The following NTRK2 variants were observed in gnomAD, a reference collection of about 807,000 sequenced individuals.
The protein encoded by NTRK2 is neurotrophic receptor tyrosine kinase 2.
In NTRK2, 13 loss-of-function variants were observed where a neutral mutation model predicts 94.5. The observed-to-expected ratio is 0.14, with a 90% CI of 0.09 to 0.22. NTRK2 has a LOEUF of 0.22. Among genes scored for constraint, NTRK2 ranks in the 10% least tolerant of loss-of-function variants. The probability of loss-of-function intolerance (pLI) is 1.00; values close to 1 mark genes in which losing one functional copy is unlikely to be tolerated. For synonymous variants in NTRK2, 372 were observed against 407.4 expected (o/e 0.91, Z 1.05); for missense variants, 639 against 1,071.2 (o/e 0.60, Z 5.63).
intron 12 of NTRK2, among the ~76,000 whole-genome samples, chr9:84,804,790 A>G (rs2070912440): frequency 6.6e-6 from 1 of 152,188 alleles, no homozygotes; most frequent in African/African-American, 2.4e-5. Flanking sequence ...CATCTTTAAG[A>G]AAATGTCATT....
intron 12 of NTRK2, among the ~76,000 whole-genome samples, chr9:84,848,050 C>T (rs2074555899): frequency 6.7e-6 from 1 of 149,984 alleles, no homozygotes; most frequent in Non-Finnish European, 1.5e-5. Context: ...CTCACATGGC[C>T]TTTTCTCTGT....
rs201653561 is a variant in NTRK2, at chr9:84,810,826, T to A, written c.1397-50214T>A. On this transcript the variant is annotated intron_variant, in intron 12 of 18. Coordinates refer to ENST00000277120, the MANE Select transcript of NTRK2 (RefSeq NM_006180.6). Reference sequence around the variant, plus strand: ...AGCTAAGCAGCACCTCAAGAAAACATGTTAAATTAATGCTTCTCTTCTTAC... The same window carrying A: ...AGCTAAGCAGCACCTCAAGAAAACAAGTTAAATTAATGCTTCTCTTCTTAC... The A allele has an allele frequency of 1.1e-5, 15 of 1,352,316 alleles. No homozygotes were observed. The African/African-American group carries it at 1.9e-4, about 17-fold the overall frequency. 83.8% of individuals were successfully genotyped at this position (1,352,316 alleles called of 1,614,324 possible).
At chr9:84,812,042 T>A in intron 12 of NTRK2, 1 of 1,059,340 alleles carries the variant, frequency 9.4e-7, no homozygotes, top group Non-Finnish European at 1.1e-6. Flanking sequence ...ATTGGAAACA[T>A]TGATGTTTTA....
intron 14 of NTRK2, among the ~76,000 whole-genome samples, chr9:84,931,054 A>C (rs1449388483): frequency 6.6e-6 from 1 of 152,228 alleles, no homozygotes; most frequent in Non-Finnish European, 1.5e-5. Flanking sequence ...CAGCACTGTG[A>C]GGCCCTGTCA....
In NTRK2 at chr9:85,021,636, C is replaced by A; in HGVS notation, c.*199C>A. On this transcript the variant is annotated 3_prime_UTR_variant, in exon 19 of 19. Transcript: ENST00000277120. ...AGACACAGTATTGACTTCTTTTTGGCATTATCTCTTTCTCTCTTTCCATCT... is the reference window on the plus strand; with the variant it reads ...AGACACAGTATTGACTTCTTTTTGGAATTATCTCTTTCTCTCTTTCCATCT... 1.6e-6 allele frequency: 1 copy of A among 621,332 alleles called. No individual in the cohort carries two copies. The allele number at this position is 621,332 out of a possible 1,614,324, so 38.5% of individuals were successfully genotyped here.
At chr9:85,015,541 CCATTAAAGA>C (rs1832123179) in intron 17 of NTRK2, among the ~76,000 whole-genome samples, 1 of 152,122 alleles carries the variant, frequency 6.6e-6, no homozygotes. Context: ...CATGGGGAAC[CCATTAAAGA>C]CATGGTATGC....
At chr9:84,934,769 G>A (rs373178519) in intron 15 of NTRK2, among the ~76,000 whole-genome samples, 56 of 152,228 alleles carry the variant, frequency 3.7e-4, no homozygotes, top group Non-Finnish European at 7.8e-4. Flanking sequence ...TCCCAGATGC[G>A]TACAAATCTC....
chr9:84,748,671 C>T lies in NTRK2; in HGVS notation c.1297-3315C>T, dbSNP rs549010011. On this transcript the variant is annotated intron_variant, in intron 11 of 18. Transcript: ENST00000277120. The stretch of plus-strand genomic sequence containing the variant: ...GGCCAAGTCATCTAACCTCCCCCAT[C>T]GCAGTTTTCTTATTTATCAAATGGA... 2.6e-5 allele frequency among the ~76,000 whole-genome samples: 4 copies of T among 152,286 alleles called. No homozygotes were observed. The South Asian group carries it at 6.2e-4, about 24-fold the overall frequency.
chr9:84,999,854 T>A (rs1830146597), intron 17 of NTRK2, among the ~76,000 whole-genome samples: 1 of 152,084 alleles, frequency 6.6e-6, no homozygotes, highest in African/African-American at 2.4e-5. Flanking sequence ...CTGTTTCCTG[T>A]AGGTTTCCTC....
At chr9:84,809,674 G>C (rs2071530076) in intron 12 of NTRK2, among the ~76,000 whole-genome samples, 1 of 151,358 alleles carries the variant, frequency 6.6e-6, no homozygotes. Context: ...TTGAGGTCAG[G>C]AGTTTCAGAC....
At chr9:84,891,518 A>G (rs2076595364) in intron 14 of NTRK2, among the ~76,000 whole-genome samples, 2 of 152,184 alleles carry the variant, frequency 1.3e-5, no homozygotes, top group African/African-American at 4.8e-5. Flanking sequence ...AGCTGTGGCA[A>G]TATGCATTCC....
chr9:84,908,923 C>T (rs951347348), intron 14 of NTRK2, among the ~76,000 whole-genome samples: 1 of 152,126 alleles, frequency 6.6e-6, no homozygotes. Context: ...ACAAACAGAG[C>T]CCATGTGCCC....
At chr9:84,796,994 T>G (rs1299536172) in intron 12 of NTRK2, among the ~76,000 whole-genome samples, 2 of 152,210 alleles carry the variant, frequency 1.3e-5, no homozygotes, top group Non-Finnish European at 2.9e-5. Flanking sequence ...TTTAAATATA[T>G]TTCCTAACTT....
intron 2 of NTRK2, among the ~76,000 whole-genome samples, chr9:84,687,545 A>G (rs954416555): frequency 4.6e-5 from 7 of 152,232 alleles, no homozygotes; most frequent in Non-Finnish European, 7.4e-5. Flanking sequence ...CCCAGTCTAC[A>G]CTAGAATCCA....
chr9:84,705,850 C>T (rs1006668686), intron 4 of NTRK2, among the ~76,000 whole-genome samples: 21 of 143,656 alleles, frequency 1.5e-4, no homozygotes, highest in Non-Finnish European at 2.4e-4. Context: ...AGTGCAATGG[C>T]GCCATCTTGG....
chr9:84,670,832 C>A lies in NTRK2; in HGVS notation c.84C>A (p.Ala28=), dbSNP rs776677354. 6.2e-7 allele frequency: 1 copy of A among 1,614,104 alleles called. No homozygotes were observed. Among genetic ancestry groups the A allele is most frequent in the Non-Finnish European group, 8.5e-7 (1 of 1,180,028 alleles). Residue 28 remains alanine (A), a synonymous_variant, in exon 2 of 19, where the codon GCC becomes GCA. Coordinates refer to ENST00000277120, the MANE Select transcript of NTRK2 (RefSeq NM_006180.6). ...FCWLVVGFWR[A]AFACPTSCKC... ...GGCTGGTTGTGGGCTTCTGGAGGGCCGCTTTCGCCTGTCCCACGTCCTGCA... is the reference window on the plus strand; with the variant it reads ...GGCTGGTTGTGGGCTTCTGGAGGGCAGCTTTCGCCTGTCCCACGTCCTGCA...
chr9:84,821,096 C>T (rs2072785805), intron 12 of NTRK2, among the ~76,000 whole-genome samples: 1 of 152,012 alleles, frequency 6.6e-6, no homozygotes, highest in Non-Finnish European at 1.5e-5. Context: ...CCCTTGTAAC[C>T]TGTTTTCTTT....
chr9:84,785,926 C>G (rs1035607106), intron 12 of NTRK2, among the ~76,000 whole-genome samples: 1 of 152,142 alleles, frequency 6.6e-6, no homozygotes, highest in Non-Finnish European at 1.5e-5. Context: ...GTGACTTGCA[C>G]ACAAGCGCCA....
intron 17 of NTRK2, among the ~76,000 whole-genome samples, chr9:84,972,612 G>A (rs1826312338): frequency 6.6e-6 from 1 of 152,164 alleles, no homozygotes; most frequent in Non-Finnish European, 1.5e-5. Flanking sequence ...ATTAGACAGT[G>A]GAAAAACTTT....
Sources: gnomAD v4.1 joint callset for allele counts (sites outside exome capture counted in the v4.1 genomes callset) on GRCh38, gnomAD v4.1.1 for gene constraint, MANE v1.5 for transcripts, NCBI Gene and HGNC (gene_info 2026-07-23, HGNC 2026-07-21) for gene names.